Variants in EFCAB6 observed in about 807,000 individuals in gnomAD.
EFCAB6 encodes EF-hand calcium-binding domain-containing protein 6.
In EFCAB6, 156 loss-of-function variants were observed where a neutral mutation model predicts 169.8. The ratio of observed to expected loss-of-function variants is 0.92; its 90% CI spans 0.81 to 1.05. The LOEUF (loss-of-function observed/expected upper bound fraction) is 1.05. EFCAB6 is among the 50% of genes least tolerant of loss of function. The probability of loss-of-function intolerance (pLI) is 0.00; values close to 1 mark genes in which losing one functional copy is unlikely to be tolerated. For synonymous variants in EFCAB6, 698 were observed against 676.4 expected (o/e 1.03, Z -0.50); for missense variants, 1,800 against 1,829.1 (o/e 0.98, Z 0.29).
intron 20 of EFCAB6, among the ~76,000 whole-genome samples, chr22:43,623,103 C>T (rs184256778): frequency 6.0e-4 from 91 of 152,254 alleles, no homozygotes; most frequent in African/African-American, 2.1e-3. Context: ...TGACACTGAT[C>T]GTATCAGCTG....
intron 24 of EFCAB6, among the ~76,000 whole-genome samples, chr22:43,589,603 C>T (rs373499874): frequency 5.9e-5 from 9 of 152,126 alleles, no homozygotes; most frequent in African/African-American, 9.7e-5. Context: ...GCCTGGCCAA[C>T]GTGGTGAAAC....
chr22:43,538,440 G>A (rs200126910), intron 28 of EFCAB6, among the ~76,000 whole-genome samples: 3 of 152,272 alleles, frequency 2.0e-5, no homozygotes, highest in East Asian at 3.9e-4. Flanking sequence ...CCAGGCTGGA[G>A]TGCAGTGGTG....
chr22:43,758,463 A>T (rs2061036127), intron 5 of EFCAB6, among the ~76,000 whole-genome samples: 1 of 152,252 alleles, frequency 6.6e-6, no homozygotes, highest in African/African-American at 2.4e-5. Flanking sequence ...ACATTTCAAC[A>T]TATAAAATTA....
chr22:43,555,007 G>T lies in EFCAB6; in HGVS notation c.3510C>A (p.Leu1170=), dbSNP rs908314934. 1.2e-6 allele frequency: 2 copies of T among 1,614,126 alleles called. No homozygotes were observed. The highest frequency in any genetic ancestry group is 2.7e-5 in the African/African-American group (2 of 74,940). ...GGTAATGGGAAGTCACTGCTTTGTG[G>T]AGGCGAGCCAGGATGTCTCTGTCGG... ...ATADRDILAR[L]HKAVTSHYHA... is the part of the protein sequence containing the mutation. Residue 1170 remains leucine, a synonymous_variant, in exon 27 of 32, where the codon CTC becomes CTA. Transcript: ENST00000262726.
chr22:43,729,791 T>C (rs1408498109), intron 8 of EFCAB6, among the ~76,000 whole-genome samples: 1 of 152,112 alleles, frequency 6.6e-6, no homozygotes, highest in East Asian at 1.9e-4. Flanking sequence ...GTAAGTAAAT[T>C]AGAAACAGCA....
At chr22:43,773,153 T>C in intron 3 of EFCAB6, 50 bp from the exon 4 acceptor site, 2 of 1,580,844 alleles carry the variant, frequency 1.3e-6, no homozygotes, top group Non-Finnish European at 1.7e-6. Context: ...GCCAAGATAC[T>C]AAACAGAAAC....
At chr22:43,796,893 T>C (rs551382451) in intron 2 of EFCAB6, among the ~76,000 whole-genome samples, 14 of 152,358 alleles carry the variant, frequency 9.2e-5, no homozygotes, top group African/African-American at 3.4e-4. Context: ...TGGGCCCTGC[T>C]GTCTCGCAGT....
intron 17 of EFCAB6, among the ~76,000 whole-genome samples, chr22:43,636,365 G>A (rs993350988): frequency 6.6e-6 from 1 of 152,182 alleles, no homozygotes; most frequent in African/African-American, 2.4e-5. Context: ...AGGCCGTGCT[G>A]CAGTGTCGCC....
chr22:43,683,900 G>C, intron 11 of EFCAB6, 45 bp from the exon 12 acceptor site: 4 of 1,462,390 alleles, frequency 2.7e-6, no homozygotes, highest in African/African-American at 1.4e-5. Flanking sequence ...TTATGTTCTT[G>C]AACTTTGTTC....
chr22:43,669,643 A>G (rs564205319), intron 15 of EFCAB6, among the ~76,000 whole-genome samples: 1 of 152,298 alleles, frequency 6.6e-6, no homozygotes, highest in Admixed American at 6.5e-5. Flanking sequence ...ATCTTGATTG[A>G]TATCTTGTGA....
chr22:43,781,252 A>C (rs2061813456), intron 3 of EFCAB6, among the ~76,000 whole-genome samples: 1 of 152,240 alleles, frequency 6.6e-6, no homozygotes. Context: ...GTCCACATAA[A>C]AACCAGTACA....
chr22:43,772,821 T>C (rs533921825), intron 4 of EFCAB6, 71 bp downstream of exon 4: 1 of 1,538,154 alleles, frequency 6.5e-7, no homozygotes, highest in South Asian at 1.2e-5. Context: ...ACAGGAGAGG[T>C]TACCTGCTCC....
At chr22:43,666,703 T>TG (rs1569344953) in intron 17 of EFCAB6, among the ~76,000 whole-genome samples, 13 of 145,486 alleles carry the variant, frequency 8.9e-5, no homozygotes, top group African/African-American at 2.3e-4. Context: ...TTTTTTTTTT[T>TG]TTTTTTTTTT....
At chr22:43,804,974 C>G (rs994387926) in intron 2 of EFCAB6, among the ~76,000 whole-genome samples, 1 of 152,040 alleles carries the variant, frequency 6.6e-6, no homozygotes, top group Non-Finnish European at 1.5e-5. Flanking sequence ...AGAAAAAAAC[C>G]AAACACTCCA....
At chr22:43,770,875 A>G (rs1402180315) in intron 4 of EFCAB6, among the ~76,000 whole-genome samples, 1 of 152,034 alleles carries the variant, frequency 6.6e-6, no homozygotes, top group Non-Finnish European at 1.5e-5. Flanking sequence ...AGAATATGGT[A>G]TGCATAAGAA....
At chr22:43,576,927 C>A (rs1051789180) in intron 25 of EFCAB6, among the ~76,000 whole-genome samples, 8 of 152,200 alleles carry the variant, frequency 5.3e-5, no homozygotes, top group African/African-American at 1.9e-4. Context: ...AGAGACCCCA[C>A]CGCATCACAT....
chr22:43,680,929 CT>C (rs1845016960), intron 12 of EFCAB6, among the ~76,000 whole-genome samples: 1 of 152,196 alleles, frequency 6.6e-6, no homozygotes, highest in Admixed American at 6.5e-5. Context: ...TTACTTCTTC[CT>C]TTTCAATCTT....
intron 24 of EFCAB6, among the ~76,000 whole-genome samples, chr22:43,589,232 C>T (rs373361067): frequency 3.0e-5 from 4 of 135,558 alleles, no homozygotes; most frequent in African/African-American, 5.9e-5. Context: ...CTGGCTGACA[C>T]GGTGTAACCC....
chr22:43,695,776 G>A (rs1204570841), intron 10 of EFCAB6, among the ~76,000 whole-genome samples: 1 of 152,016 alleles, frequency 6.6e-6, no homozygotes, highest in Non-Finnish European at 1.5e-5. Flanking sequence ...TATCTGTATG[G>A]AAACAGAATT....
Sources: gnomAD v4.1 joint callset for allele counts (sites outside exome capture counted in the v4.1 genomes callset) on GRCh38, gnomAD v4.1.1 for gene constraint, MANE v1.5 for transcripts, NCBI Gene and HGNC (gene_info 2026-07-23, HGNC 2026-07-21) for gene names.